Variants in CCDC15 observed in about 807,000 individuals in gnomAD.
The protein encoded by CCDC15 is coiled-coil domain-containing protein 15.
A neutral mutation model predicts 114.5 loss-of-function variants in CCDC15; 105 were observed. The observed-to-expected ratio is 0.92, with a 90% CI of 0.78 to 1.08. The LOEUF (loss-of-function observed/expected upper bound fraction) is 1.08, where lower values mean the gene tolerates loss of function less well. CCDC15 is among the 50% of genes least tolerant of loss of function. The probability of loss-of-function intolerance (pLI) is 0.00; values close to 1 mark genes in which losing one functional copy is unlikely to be tolerated. For missense variants in CCDC15, 1,105 were observed against 1,093.6 expected (o/e 1.01, Z -0.15); for synonymous variants, 334 against 377.8 (o/e 0.88, Z 1.34).
chr11:124,960,640 C>T (rs1018029905), intron 4 of CCDC15, among the ~76,000 whole-genome samples: 4 of 151,956 alleles, frequency 2.6e-5, no homozygotes, highest in East Asian at 1.9e-4. Context: ...ATAGTAAATT[C>T]GTAACATATC....
rs1383127396 is a variant in CCDC15 at position 125,040,939 on chromosome 11, T to G, written c.*228T>G. ...GTGAACCATACGGAGCCTATTATTT[T>G]AAAATATGATCAGACAAGTAAGGCT... On this transcript the variant is annotated 3_prime_UTR_variant, in exon 16 of 16. Coordinates refer to ENST00000344762, the MANE Select transcript of CCDC15 (RefSeq NM_025004.3). 1.3e-5 allele frequency: 6 copies of G among 468,288 alleles called. No individual in the cohort carries two copies. The highest frequency in any genetic ancestry group is 7.8e-5 in the African/African-American group (4 of 51,420). The allele number at this position is 468,288 out of a possible 1,614,324, so 29.0% of individuals were successfully genotyped here.
At chr11:124,975,660 A>G (rs1312355473) in intron 5 of CCDC15, among the ~76,000 whole-genome samples, 2 of 152,156 alleles carry the variant, frequency 1.3e-5, no homozygotes, top group African/African-American at 2.4e-5. Flanking sequence ...ATTTCAAGTG[A>G]TAAGTGCTAT....
At chr11:124,989,530 A>G (rs1948234603) in intron 8 of CCDC15, among the ~76,000 whole-genome samples, 1 of 152,224 alleles carries the variant, frequency 6.6e-6, no homozygotes, top group Non-Finnish European at 1.5e-5. Flanking sequence ...TTGAAGCCAG[A>G]CATTGACTTT....
chr11:124,979,169 C>CGTAT (rs1222340681), intron 6 of CCDC15, among the ~76,000 whole-genome samples: 1 of 152,060 alleles, frequency 6.6e-6, no homozygotes. Flanking sequence ...TGTTTTTGTA[C>CGTAT]TGATACCATG....
intron 4 of CCDC15, among the ~76,000 whole-genome samples, chr11:124,962,067 T>G (rs566065210): frequency 7.2e-5 from 11 of 152,270 alleles, no homozygotes; most frequent in African/African-American, 2.4e-4. Flanking sequence ...CATGAACTAC[T>G]GAAGAATGCT....
intron 13 of CCDC15, among the ~76,000 whole-genome samples, chr11:125,006,228 G>A (rs191083582): frequency 2.0e-5 from 3 of 152,150 alleles, no homozygotes; most frequent in African/African-American, 7.2e-5. Context: ...CCAACATTTG[G>A]TGGTGTCAGT....
At chr11:124,979,985 AG>A (rs1359080233) in intron 6 of CCDC15, among the ~76,000 whole-genome samples, 2 of 152,112 alleles carry the variant, frequency 1.3e-5, no homozygotes, top group African/African-American at 4.8e-5. Context: ...TTAACATGAA[AG>A]GATGTTGAAT....
chr11:124,982,178 G>T (rs1948082721), intron 6 of CCDC15, among the ~76,000 whole-genome samples: 2 of 151,984 alleles, frequency 1.3e-5, no homozygotes, highest in African/African-American at 4.8e-5. Flanking sequence ...TGAGCCTATT[G>T]GTGTCATTTC....
Position 124,954,924 on chromosome 11 carries a change from G to T in CCDC15, c.177+15G>T. The stretch of plus-strand genomic sequence containing the variant: ...TCCCAGCATATGTGAGTGTCAGTTT[G>T]ATCCAAATATGGTGGGGTTCCCCAC... On this transcript the variant is annotated intron_variant, in intron 2 of 15. Transcript: ENST00000344762. 6.2e-7 allele frequency: 1 copy of T among 1,612,554 alleles called. No individual in the cohort carries two copies. Among genetic ancestry groups the T allele is most frequent in the South Asian group, 1.1e-5 (1 of 90,984 alleles).
intron 3 of CCDC15, 105 bp from the exon 4 acceptor site, chr11:124,959,709 CT>C: frequency 1.4e-6 from 1 of 728,412 alleles, no homozygotes; most frequent in Non-Finnish European, 2.1e-6. Context: ...AGCCTCTCCC[CT>C]GCCCCCCACC....
At position 124,959,862 on chromosome 11, in the gene CCDC15, A is replaced by T. The variant is rs753229569; in HGVS notation, c.375A>T (p.Leu125Phe). ...SIAMQSSATH[L>F]TSKRTSVFPN... is the part of the protein sequence containing the mutation. ...CCATGCAGTCTTCAGCAACACACTT[A>T]ACTTCCAAAAGGACAAGTGTTTTTC... Residue 125 changes from leucine (L) to phenylalanine (F), a missense_variant, in exon 4 of 16, where the codon TTA (leucine) becomes TTT (phenylalanine). Transcript: ENST00000344762. The T allele has an allele frequency of 1.2e-6, 2 of 1,601,524 alleles. No homozygotes were observed. Among genetic ancestry groups the T allele is most frequent in the Non-Finnish European group, 1.7e-6 (2 of 1,173,196 alleles).
chr11:125,031,231 G>A (rs1278387448), intron 13 of CCDC15, among the ~76,000 whole-genome samples: 6 of 152,218 alleles, frequency 3.9e-5, no homozygotes, highest in Non-Finnish European at 7.3e-5. Context: ...CCACTTTCGG[G>A]TGATGCCTGC....
At chr11:124,972,908 T>C (rs1947909132) in intron 4 of CCDC15, among the ~76,000 whole-genome samples, 1 of 152,316 alleles carries the variant, frequency 6.6e-6, no homozygotes. Context: ...TCCAGGATTA[T>C]CTTCTCAATG....
chr11:124,991,658 A>T, intron 9 of CCDC15, 75 bp downstream of exon 9: 1 of 1,326,918 alleles, frequency 7.5e-7, no homozygotes, highest in Non-Finnish European at 1.0e-6. Context: ...GGTAATTTAG[A>T]ATGAGGGATT....
At chr11:124,996,092 A>T (rs763734654) in intron 11 of CCDC15, among the ~76,000 whole-genome samples, 20 of 152,006 alleles carry the variant, frequency 1.3e-4, no homozygotes, top group Non-Finnish European at 2.4e-4. Flanking sequence ...AGCCTCCCAA[A>T]GGTGCTGGGA....
At chr11:125,027,566 G>A (rs1007765080) in intron 13 of CCDC15, among the ~76,000 whole-genome samples, 1 of 151,328 alleles carries the variant, frequency 6.6e-6, no homozygotes, top group African/African-American at 2.4e-5. Flanking sequence ...CATGCCCTTT[G>A]CCCGCTTTTT....
At chr11:124,976,922 A>AAATCTACTC (rs1947983697) in intron 5 of CCDC15, among the ~76,000 whole-genome samples, 1 of 152,196 alleles carries the variant, frequency 6.6e-6, no homozygotes, top group Non-Finnish European at 1.5e-5. Context: ...TATGAAAAAC[A>AAATCTACTC]AATCTACTCA....
chr11:125,027,993 T>G (rs1244348293), intron 13 of CCDC15, among the ~76,000 whole-genome samples: 1 of 152,188 alleles, frequency 6.6e-6, no homozygotes, highest in Non-Finnish European at 1.5e-5. Flanking sequence ...GAACAGGGTG[T>G]CCTTACCCTA....
intron 13 of CCDC15, among the ~76,000 whole-genome samples, chr11:125,011,072 T>C (rs1429976894): frequency 6.6e-6 from 1 of 152,094 alleles, no homozygotes; most frequent in Non-Finnish European, 1.5e-5. Context: ...TGGGTAGTCA[T>C]TGGACCTAAA....
Sources: gnomAD v4.1 joint callset for allele counts (sites outside exome capture counted in the v4.1 genomes callset) on GRCh38, gnomAD v4.1.1 for gene constraint, MANE v1.5 for transcripts, NCBI Gene and HGNC (gene_info 2026-07-23, HGNC 2026-07-21) for gene names.